Variants in MCF2L observed in about 807,000 individuals in gnomAD.
MCF2L encodes the protein MCF.2 cell line derived transforming sequence like.
MCF2L carries 97 observed loss-of-function variants against 153.4 expected under a neutral mutation model. The observed-to-expected ratio is 0.63, with a 90% CI of 0.54 to 0.75. The LOEUF (loss-of-function observed/expected upper bound fraction) is 0.75. Ranked by LOEUF, MCF2L falls within the 30% of genes least tolerant of loss-of-function variation. The probability of loss-of-function intolerance (pLI) is 0.00; values close to 1 mark genes in which losing one functional copy is unlikely to be tolerated. For synonymous variants in MCF2L, 659 were observed against 632.2 expected (o/e 1.04, Z -0.64); for missense variants, 1,347 against 1,495.2 (o/e 0.90, Z 1.64).
Position 113,099,732 on chromosome 13 carries a change from TGA to T in MCF2L, c.*2878_*2879del, listed in dbSNP as rs2035843633. 1.3e-5 allele frequency: 2 copies of T among 152,112 alleles called. No individual in the cohort carries two copies. The allele number at this position is 152,112 out of a possible 1,614,324, so 9.4% of individuals were successfully genotyped here. A position where few individuals can be genotyped will look rare whatever the true frequency, so the allele number is the denominator to read the frequency against. On this transcript the variant is annotated 3_prime_UTR_variant, in exon 30 of 30. Transcript: ENST00000535094. ...CATATCAAATAAAAAATTTTAAATA[TGA>T]GAGAACCATTATGAACACCTTTCTG...
At chr13:112,996,969 C>A (rs1046996561) in intron 1 of MCF2L, among the ~76,000 whole-genome samples, 33 of 152,258 alleles carry the variant, frequency 2.2e-4, no homozygotes, top group African/African-American at 7.5e-4. Context: ...CCCGCCCTCG[C>A]TATCTCAGGT....
intron 1 of MCF2L, among the ~76,000 whole-genome samples, chr13:112,988,906 A>G (rs12873270): frequency 5.5e-4 from 38 of 69,428 alleles, no homozygotes; most frequent in South Asian, 1.3e-3. Flanking sequence ...CCTGAGCAGG[A>G]CATGGAGCTA....
At chr13:112,949,873 A>G (rs186805204) in intron 2 of MCF2L, among the ~76,000 whole-genome samples, 5 of 152,224 alleles carry the variant, frequency 3.3e-5, no homozygotes, top group Admixed American at 1.3e-4. Flanking sequence ...TTTATTCAAC[A>G]TTGTACTGGA....
At chr13:112,950,230 A>G (rs1387266507) in intron 2 of MCF2L, among the ~76,000 whole-genome samples, 3 of 152,242 alleles carry the variant, frequency 2.0e-5, no homozygotes, top group Admixed American at 6.5e-5. Flanking sequence ...GATGCTGATG[A>G]GAGAAATCAA....
Position 112,917,210 on chromosome 13 carries a change from C to T in MCF2L, c.169+14839C>T, listed in dbSNP as rs149487183. ...CCGGACCCCTCCCCCGGGCACTGCA[C>T]CGCCCTGCCTCCGCAGAGCCTCCAC... On this transcript the variant is annotated intron_variant, in intron 2 of 29. Coordinates refer to the MCF2L transcript ENST00000375608. 1.1e-3 allele frequency: 509 copies of T among 470,364 alleles called. 4 individuals are homozygous for T. Among genetic ancestry groups the T allele is most frequent in the African/African-American group, 9.4e-3 (473 of 50,200 alleles). The allele number at this position is 470,364 out of a possible 1,614,324, so 29.1% of individuals were successfully genotyped here. A position where few individuals can be genotyped will look rare whatever the true frequency, so the allele number is the denominator to read the frequency against.
chr13:112,906,353 T>C (rs941941084), intron 2 of MCF2L, among the ~76,000 whole-genome samples: 4 of 152,214 alleles, frequency 2.6e-5, no homozygotes, highest in Non-Finnish European at 5.9e-5. Flanking sequence ...CTCACAGCTG[T>C]GCTGCAGGAT....
intron 2 of MCF2L, among the ~76,000 whole-genome samples, chr13:113,024,352 T>TA (rs11414130): frequency 0.3 from 45,052 of 152,054 alleles, 6,846 homozygotes; most frequent in South Asian, 0.46. Flanking sequence ...TCAACAAGGT[T>TA]AAAAAAGCCC....
intron 1 of MCF2L, among the ~76,000 whole-genome samples, chr13:112,998,068 C>T (rs1247056708): frequency 1.3e-5 from 2 of 152,228 alleles, no homozygotes; most frequent in Non-Finnish European, 2.9e-5. Context: ...GTCCACTGGG[C>T]ACCTGCTGGG....
chr13:112,950,980 T>C (rs1055985323), intron 2 of MCF2L, among the ~76,000 whole-genome samples: 2 of 152,200 alleles, frequency 1.3e-5, no homozygotes, highest in Non-Finnish European at 2.9e-5. Context: ...GCAAACCACA[T>C]AGCTGATAAA....
chr13:113,024,979 T>C lies in MCF2L; in HGVS notation c.278+221T>C, dbSNP rs1453830327. On this transcript the variant is annotated intron_variant, in intron 3 of 29. Coordinates refer to ENST00000535094, the MANE Select transcript of MCF2L (RefSeq NM_001112732.3). ...GTCAGGGCAGAGTCTCTGTGAGGTTTCATCATGGTGGGGTCCCCGTGACTG... is the reference window on the plus strand; with the variant it reads ...GTCAGGGCAGAGTCTCTGTGAGGTTCCATCATGGTGGGGTCCCCGTGACTG... The C allele has an allele frequency of 9.3e-4, 405 of 437,670 alleles. 16 individuals are homozygous for C. The highest frequency in any genetic ancestry group is 1.4e-3 in the Non-Finnish European group (354 of 245,546). The allele number at this position is 437,670 out of a possible 1,614,324, so 27.1% of individuals were successfully genotyped here.
At chr13:112,986,802 G>A (rs2082661986) in intron 1 of MCF2L, among the ~76,000 whole-genome samples, 1 of 152,254 alleles carries the variant, frequency 6.6e-6, no homozygotes, top group African/African-American at 2.4e-5. Context: ...TCCCCTGCCT[G>A]CCTCACAGAC....
upstream of MCF2L, chr13:112,968,537 A>C: frequency 6.4e-7 from 1 of 1,558,870 alleles, no homozygotes; most frequent in Non-Finnish European, 8.6e-7. Context: ...TGGGCAGGCG[A>C]TGCCCCTGCG....
At chr13:113,029,304 C>T (rs1050965341) in intron 3 of MCF2L, among the ~76,000 whole-genome samples, 1 of 152,240 alleles carries the variant, frequency 6.6e-6, no homozygotes. Flanking sequence ...GTGGGGACCC[C>T]GTGCCTCCAG....
chr13:113,038,832 T>C (rs1246495638), intron 3 of MCF2L, among the ~76,000 whole-genome samples: 1 of 152,168 alleles, frequency 6.6e-6, no homozygotes, highest in African/African-American at 2.4e-5. Flanking sequence ...AGACCACACA[T>C]CTGCAGTCTC....
chr13:113,040,437 T>TGTGTGTGTGTGTGTGTG (rs10528245), intron 3 of MCF2L: 11 of 142,918 alleles, frequency 7.7e-5, no homozygotes, highest in Non-Finnish European at 1.2e-4. Context: ...TGTGTGTGTG[T>TGTGTGTGTGTGTGTGTG]TTCTTTTCCT....
At chr13:112,963,136 G>A (rs567947670) in intron 2 of MCF2L, among the ~76,000 whole-genome samples, 1 of 152,304 alleles carries the variant, frequency 6.6e-6, no homozygotes, top group South Asian at 2.1e-4. Flanking sequence ...TCTGCCCTGG[G>A]CACAGACGTC....
intron 2 of MCF2L, among the ~76,000 whole-genome samples, chr13:112,948,684 C>T (rs2081661278): frequency 6.6e-6 from 1 of 152,212 alleles, no homozygotes; most frequent in Admixed American, 6.5e-5. Flanking sequence ...ACCTCAAGAA[C>T]TTCTTGTCTA....
At chr13:112,919,268 G>T (rs1187773030) in intron 2 of MCF2L, among the ~76,000 whole-genome samples, 9 of 146,998 alleles carry the variant, frequency 6.1e-5, no homozygotes, top group Non-Finnish European at 1.0e-4. Flanking sequence ...TGCAGTGGCG[G>T]GATCTCGGCT....
At position 113,053,958 on chromosome 13, in the gene MCF2L, T is replaced by C. The variant is rs990697041; in HGVS notation, c.370-6635T>C. On this transcript the variant is annotated intron_variant, in intron 4 of 29. Transcript: ENST00000535094. This position sits in a 1 kb window ranked among gnomAD's most constrained non-coding sequence, Gnocchi z 4.4. The stretch of plus-strand genomic sequence containing the variant: ...TCCTCAACTCTTGATGGGAGCTCAG[T>C]TCACACGGCTCCGAATCGGCGAAAC... Among the ~76,000 whole-genome samples the C allele has an allele frequency of 1.3e-5, 2 of 152,124 alleles. No individual in the cohort carries two copies. The highest frequency in any genetic ancestry group is 1.3e-4 in the Admixed American group (2 of 15,284).
Sources: allele counts gnomAD v4.1 joint callset (sites outside exome capture counted in the v4.1 genomes callset), GRCh38; gene constraint gnomAD v4.1.1; non-coding constraint Gnocchi (gnomAD v3.1); transcripts MANE v1.5; gene names NCBI Gene and HGNC (gene_info 2026-07-23, HGNC 2026-07-21).